DYNC1I1: variants seen among roughly 807,000 people sequenced by gnomAD.
The protein encoded by DYNC1I1 is dynein cytoplasmic 1 intermediate chain 1.
Under a neutral mutation model 86.6 loss-of-function variants are expected in DYNC1I1, and 43 were observed. The observed-to-expected ratio is 0.50, with a 90% CI of 0.39 to 0.64. DYNC1I1 has a LOEUF of 0.64. Among genes scored for constraint, DYNC1I1 ranks in the 30% least tolerant of loss-of-function variants. The pLI, the probability that DYNC1I1 is intolerant of heterozygous loss-of-function variation, is 0.00. For missense variants in DYNC1I1, 604 were observed against 788.8 expected, an observed-to-expected ratio of 0.77 and a Z score of 2.81; for synonymous variants, 262 against 283.7, an observed-to-expected ratio of 0.92 and a Z score of 0.77.
intron 6 of DYNC1I1, among the ~76,000 whole-genome samples, chr7:95,907,575 G>GT (rs989678118): frequency 2.6e-5 from 4 of 152,076 alleles, no homozygotes; most frequent in Non-Finnish European, 5.9e-5. Context: ...TCCCTCTGCT[G>GT]TTTAACTAGC....
intron 6 of DYNC1I1, among the ~76,000 whole-genome samples, chr7:95,893,244 G>C (rs1000634643): frequency 6.6e-6 from 1 of 152,282 alleles, no homozygotes; most frequent in African/African-American, 2.4e-5. Flanking sequence ...ATTATGTGAA[G>C]ACAGTTTGAG....
rs118143685 is a variant in DYNC1I1 at position 95,773,320 on chromosome 7, G to T, written c.-10+547G>T. On this transcript the variant is annotated intron_variant, in intron 1 of 16. Transcript: ENST00000447467. ...ATTAAACACTTCAAAGCGAGAAGATGCCAGTTTCTCTCTGCTGCGAAAAAG... is the reference window on the plus strand; with the variant it reads ...ATTAAACACTTCAAAGCGAGAAGATTCCAGTTTCTCTCTGCTGCGAAAAAG... Among the ~76,000 whole-genome samples the T allele has an allele frequency of 6.3e-3, 964 of 152,342 alleles. 22 individuals are homozygous for T. Among genetic ancestry groups the T allele is most frequent in the East Asian group, 0.018 (95 of 5,186 alleles).
chr7:95,930,493 C>A (rs1791863347), intron 6 of DYNC1I1, among the ~76,000 whole-genome samples: 1 of 152,120 alleles, frequency 6.6e-6, no homozygotes, highest in Non-Finnish European at 1.5e-5. Flanking sequence ...AATGCTTTTT[C>A]CTCCCTTTTC....
At chr7:95,878,963 AAC>A (rs1491197080) in intron 6 of DYNC1I1, among the ~76,000 whole-genome samples, 1 of 150,880 alleles carries the variant, frequency 6.6e-6, no homozygotes, top group African/African-American at 2.5e-5. Flanking sequence ...AAAAAAAAAA[AAC>A]AACTATCAAT....
intron 4 of DYNC1I1, among the ~76,000 whole-genome samples, chr7:95,815,015 G>A (rs1156602602): frequency 2.0e-5 from 3 of 152,132 alleles, no homozygotes; most frequent in African/African-American, 7.2e-5. Context: ...CTATCATTAA[G>A]TTAATGTATT....
chr7:95,862,893 C>A (rs1041733707), intron 5 of DYNC1I1, among the ~76,000 whole-genome samples: 1 of 152,148 alleles, frequency 6.6e-6, no homozygotes, highest in African/African-American at 2.4e-5. Flanking sequence ...TAAATTAAAA[C>A]ATCTCTGTAT....
intron 14 of DYNC1I1, among the ~76,000 whole-genome samples, chr7:96,065,856 C>T (rs1367113721): frequency 6.6e-6 from 1 of 152,118 alleles, no homozygotes; most frequent in African/African-American, 2.4e-5. Flanking sequence ...TCAGACCTTC[C>T]TCTATTTCTC....
chr7:96,036,343 T>A (rs958557098), intron 13 of DYNC1I1, among the ~76,000 whole-genome samples: 1 of 152,142 alleles, frequency 6.6e-6, no homozygotes, highest in African/African-American at 2.4e-5. Context: ...AAAGGATACA[T>A]TAAAGAACAA....
At chr7:95,928,016 C>A (rs1042906983) in intron 6 of DYNC1I1, among the ~76,000 whole-genome samples, 1 of 152,184 alleles carries the variant, frequency 6.6e-6, no homozygotes, top group African/African-American at 2.4e-5. Context: ...TGGAAGCCTG[C>A]GCCCTGCCAG....
chr7:95,835,726 A>G (rs1789068146), intron 5 of DYNC1I1, among the ~76,000 whole-genome samples: 1 of 151,968 alleles, frequency 6.6e-6, no homozygotes. Flanking sequence ...CCATTATGTA[A>G]TGGCCTTCTT....
At chr7:95,907,823 T>C (rs969800191) in intron 6 of DYNC1I1, among the ~76,000 whole-genome samples, 1 of 151,402 alleles carries the variant, frequency 6.6e-6, no homozygotes, top group African/African-American at 2.4e-5. Flanking sequence ...CAACATTCAA[T>C]AAATATTGTT....
At chr7:95,996,318 G>C (rs1793866812) in intron 10 of DYNC1I1, among the ~76,000 whole-genome samples, 1 of 152,168 alleles carries the variant, frequency 6.6e-6, no homozygotes, top group South Asian at 2.1e-4. Context: ...CCCCCATGAG[G>C]ATGAGTTTAT....
At chr7:95,949,027 T>C (rs936045848) in intron 6 of DYNC1I1, among the ~76,000 whole-genome samples, 3 of 152,198 alleles carry the variant, frequency 2.0e-5, no homozygotes, top group African/African-American at 7.2e-5. Context: ...TCCCAGATCT[T>C]ACTCTGCTTT....
At chr7:96,007,435 G>A (rs1452076899) in intron 10 of DYNC1I1, among the ~76,000 whole-genome samples, 5 of 152,126 alleles carry the variant, frequency 3.3e-5, no homozygotes, top group Non-Finnish European at 5.9e-5. Context: ...TAAAGCAAGG[G>A]AGGACAGAAA....
intron 16 of DYNC1I1, among the ~76,000 whole-genome samples, chr7:96,087,107 C>T (rs1228626027): frequency 6.6e-6 from 1 of 151,956 alleles, no homozygotes; most frequent in Non-Finnish European, 1.5e-5. Context: ...CACACTTAGG[C>T]AATAATAGTG....
intron 5 of DYNC1I1, among the ~76,000 whole-genome samples, chr7:95,828,526 TCTTTA>T (rs1795252502): frequency 6.6e-6 from 1 of 152,164 alleles, no homozygotes; most frequent in South Asian, 2.1e-4. Flanking sequence ...GGGTCTTGTT[TCTTTA>T]CTTTTCTTTT....
chr7:95,791,195 G>T (rs1287539726), intron 1 of DYNC1I1, among the ~76,000 whole-genome samples: 6 of 152,132 alleles, frequency 3.9e-5, no homozygotes, highest in East Asian at 3.9e-4. Context: ...TATCTTGATA[G>T]AAATTTCCTT....
At chr7:96,060,273 C>G (rs1789726528) in intron 14 of DYNC1I1, among the ~76,000 whole-genome samples, 1 of 152,146 alleles carries the variant, frequency 6.6e-6, no homozygotes, top group South Asian at 2.1e-4. Context: ...TGGATGTGGT[C>G]TCTTCCCCCA....
intron 15 of DYNC1I1, among the ~76,000 whole-genome samples, chr7:96,078,055 T>A (rs10270831): frequency 0.18 from 27,817 of 152,112 alleles, 2,692 homozygotes; most frequent in Middle Eastern, 0.26. Context: ...AACCTTCAAA[T>A]CATTTTTGTC....
Sources: gnomAD v4.1 joint callset for allele counts (sites outside exome capture counted in the v4.1 genomes callset) on GRCh38, gnomAD v4.1.1 for gene constraint, MANE v1.5 for transcripts, NCBI Gene and HGNC (gene_info 2026-07-23, HGNC 2026-07-21) for gene names.